Variants in SREBF2 observed in about 807,000 individuals in gnomAD.
SREBF2 encodes sterol regulatory element binding transcription factor 2.
Under a neutral mutation model 113.1 loss-of-function variants are expected in SREBF2, and 55 were observed. The ratio of observed to expected loss-of-function variants is 0.49; its 90% CI spans 0.39 to 0.61. The LOEUF is 0.61. SREBF2 is among the 20% of genes least tolerant of loss of function. The pLI, the probability that SREBF2 is intolerant of heterozygous loss-of-function variation, is 0.00. For synonymous variants in SREBF2, 593 were observed against 605.7 expected, an observed-to-expected ratio of 0.98 and a Z score of 0.31; for missense variants, 1,349 against 1,487.4, an observed-to-expected ratio of 0.91 and a Z score of 1.53.
chr22:41,857,838 T>C (rs1020970959), intron 1 of SREBF2, among the ~76,000 whole-genome samples: 11 of 152,194 alleles, frequency 7.2e-5, no homozygotes, highest in Admixed American at 3.9e-4. Flanking sequence ...AAACCTTCCC[T>C]TTGTTCCCTA....
At chr22:41,890,303 G>A (rs545076941) in intron 11 of SREBF2, among the ~76,000 whole-genome samples, 2 of 152,312 alleles carry the variant, frequency 1.3e-5, no homozygotes, top group Non-Finnish European at 1.5e-5. Context: ...AAGCTAGTGT[G>A]GTCTCAATGC....
In SREBF2 at chr22:41,877,220, G is replaced by A; in HGVS notation, c.1387-9G>A. The A allele has an allele frequency of 6.2e-7, 1 of 1,614,206 alleles. No individual in the cohort carries two copies. Among genetic ancestry groups the A allele is most frequent in the Non-Finnish European group, 8.5e-7 (1 of 1,180,036 alleles). On this transcript the variant is annotated splice_polypyrimidine_tract_variant and intron_variant, in intron 7 of 18. Transcript: ENST00000361204. The stretch of plus-strand genomic sequence containing the variant: ...GTATTTATTCCAACCTCGAGGCCTT[G>A]TTTTGAAGGTCAAAGATGAGCCAGA...
chr22:41,850,230 A>C (rs1438917587), intron 1 of SREBF2, among the ~76,000 whole-genome samples: 1 of 152,162 alleles, frequency 6.6e-6, no homozygotes, highest in African/African-American at 2.4e-5. Context: ...CAGGTGGATC[A>C]CAAGGGCAGG....
chr22:41,877,957 T>G lies in SREBF2; in HGVS notation c.1595T>G (p.Phe532Cys). ...TCCTTCTTAGGTTCTGGGGGCTGGT[T>G]TGACTGGATGATGCCTACTCTTCTC... Reference protein sequence around the residue: ...LSFESGSGGWFDWMMPTLLLW... With the variant: ...LSFESGSGGWCDWMMPTLLLW... The change falls in exon 9 of 19, where the codon TTT becomes TGT. Residue 532 changes from phenylalanine to cysteine, a missense_variant. Phe to Cys is a radical substitution (Grantham distance 205). This residue lies in a region of SREBF2 where 699 missense variants were observed against 843.3 expected (regional missense o/e 0.83). Transcript: ENST00000361204. The G allele has an allele frequency of 6.2e-7, 1 of 1,614,194 alleles. No individual in the cohort carries two copies. The highest frequency in any genetic ancestry group is 8.5e-7 in the Non-Finnish European group (1 of 1,180,032).
At chr22:41,870,232 T>C (rs1292746288) in intron 3 of SREBF2, among the ~76,000 whole-genome samples, 2 of 152,232 alleles carry the variant, frequency 1.3e-5, no homozygotes, top group African/African-American at 4.8e-5. Flanking sequence ...CTGGCTTTCC[T>C]GAGTCTTTTC....
At chr22:41,858,236 C>G (rs1292134664) in intron 1 of SREBF2, among the ~76,000 whole-genome samples, 1 of 152,124 alleles carries the variant, frequency 6.6e-6, no homozygotes, top group Non-Finnish European at 1.5e-5. Context: ...TTTCCATGTT[C>G]TTGTACTTGT....
At chr22:41,838,517 G>A (rs772847583) in intron 1 of SREBF2, among the ~76,000 whole-genome samples, 2 of 152,140 alleles carry the variant, frequency 1.3e-5, no homozygotes, top group Non-Finnish European at 2.9e-5. Context: ...TGGATCACCC[G>A]AGGTCAGGAG....
At chr22:41,900,923 C>T (rs187210464) in intron 16 of SREBF2, 63 of 537,426 alleles carry the variant, frequency 1.2e-4, no homozygotes, top group African/African-American at 6.3e-4. Flanking sequence ...CTTGGCTGGC[C>T]GCATACCTCC....
At chr22:41,841,719 A>G (rs917449910) in intron 1 of SREBF2, among the ~76,000 whole-genome samples, 2 of 152,366 alleles carry the variant, frequency 1.3e-5, no homozygotes, top group East Asian at 3.8e-4. Flanking sequence ...GTTTTATTCA[A>G]TTAGAACTTT....
rs895718128 is a variant in SREBF2, at chr22:41,903,000, C to T, written c.2938C>T (p.Leu980=). 1.2e-6 allele frequency: 2 copies of T among 1,611,796 alleles called. No homozygotes were observed. The highest frequency in any genetic ancestry group is 2.2e-5 in the East Asian group (1 of 44,844). ...CCAGCTGCTCACCTGTGACCTGCTA[C>T]TGTCGCTACGGACAGCGCTCTGGCA... ...VVQLLTCDLL[L]SLRTALWQKQ... The change falls in exon 17 of 19, where the codon CTG becomes TTG. Residue 980 remains leucine (L), a synonymous_variant. Transcript: ENST00000361204.
At chr22:41,875,816 A>G (rs1198960691) in intron 7 of SREBF2, 92 bp downstream of exon 7, 1 of 1,399,424 alleles carries the variant, frequency 7.1e-7, no homozygotes, top group Non-Finnish European at 1.0e-6. Flanking sequence ...GCCAGGCCGC[A>G]TGTTAAGAGG....
In SREBF2 at chr22:41,894,934, G is replaced by C. The variant is rs764016168; in HGVS notation, c.2492G>C (p.Ser831Thr). 1.2e-6 allele frequency: 2 copies of C among 1,613,440 alleles called. No homozygotes were observed. Among genetic ancestry groups the C allele is most frequent in the Non-Finnish European group, 1.7e-6 (2 of 1,179,658 alleles). Residue 831 changes from serine to threonine, a missense_variant, in exon 13 of 19, where the codon AGC becomes ACC. Ser to Thr is a moderately conservative substitution (Grantham distance 58). Around this residue, in one of 2 missense-constraint regions of SREBF2, gnomAD observed 650 missense variants for 644.1 expected, o/e 1.01. Transcript: ENST00000361204. ...AAGGCTGGAGACCAGGAAGAAGAGA[G>C]CTGGTAAAGTCCCCAGACCAGTCCC... is the stretch of plus-strand genomic sequence containing the variant. ...KKKAGDQEEE[S>T]CEFSSALEYL...
intron 1 of SREBF2, among the ~76,000 whole-genome samples, chr22:41,850,150 AAG>A (rs2076914585): frequency 6.7e-6 from 1 of 150,202 alleles, no homozygotes; most frequent in African/African-American, 2.5e-5. Context: ...AAAAGAAAAA[AAG>A]AAAGTAATGA....
intron 10 of SREBF2, among the ~76,000 whole-genome samples, chr22:41,881,702 G>A (rs1453414979): frequency 6.6e-6 from 1 of 152,204 alleles, no homozygotes; most frequent in Non-Finnish European, 1.5e-5. Context: ...TGAGGATCTT[G>A]TAGTGTATCA....
chr22:41,905,212 C>A (rs2077496961), intron 18 of SREBF2, among the ~76,000 whole-genome samples: 1 of 152,318 alleles, frequency 6.6e-6, no homozygotes, highest in Middle Eastern at 3.4e-3. Flanking sequence ...CAGGTGCAGG[C>A]ATAGAAGCAG....
chr22:41,872,158 G>A (rs1477821172), intron 4 of SREBF2, among the ~76,000 whole-genome samples: 4 of 151,624 alleles, frequency 2.6e-5, no homozygotes, highest in African/African-American at 4.9e-5. Context: ...GCCGAGGTAG[G>A]AGAATGTCGT....
chr22:41,880,295 T>C (rs376116148), intron 9 of SREBF2, among the ~76,000 whole-genome samples: 21 of 150,372 alleles, frequency 1.4e-4, no homozygotes, highest in East Asian at 9.9e-4. Context: ...CTCACGCCTG[T>C]AATCCCAACA....
At chr22:41,885,126 G>GGGGT (rs2077288056) in intron 11 of SREBF2, 115 bp downstream of exon 11, 2 of 1,242,566 alleles carry the variant, frequency 1.6e-6, no homozygotes, top group Non-Finnish European at 2.3e-6. Context: ...CCCACCTGGA[G>GGGGT]GGGTAGGCAG....
At chr22:41,856,723 C>T (rs915032665) in intron 1 of SREBF2, among the ~76,000 whole-genome samples, 4 of 152,040 alleles carry the variant, frequency 2.6e-5, no homozygotes, top group Non-Finnish European at 5.9e-5. Context: ...GAAGTGAAAA[C>T]CTTTGGAACA....
Sources: allele counts gnomAD v4.1 joint callset (sites outside exome capture counted in the v4.1 genomes callset), GRCh38; gene constraint gnomAD v4.1.1; regional missense constraint gnomAD v4.1.1; transcripts MANE v1.5; gene names NCBI Gene and HGNC (gene_info 2026-07-23, HGNC 2026-07-21).